SPAG16: variants seen among roughly 807,000 people sequenced by gnomAD.
SPAG16 encodes the protein sperm associated antigen 16.
A neutral mutation model predicts 80.4 loss-of-function variants in SPAG16; 86 were observed. The observed-to-expected ratio is 1.07, with a 90% CI of 0.90 to 1.28. The LOEUF (loss-of-function observed/expected upper bound fraction) is 1.28. Among genes scored for constraint, SPAG16 ranks in the 50% most tolerant of loss-of-function variants. The pLI, the probability that SPAG16 is intolerant of heterozygous loss-of-function variation, is 0.00. For missense variants in SPAG16, 870 were observed against 765.3 expected, an observed-to-expected ratio of 1.14 and a Z score of -1.61; for synonymous variants, 294 against 265.9, an observed-to-expected ratio of 1.11 and a Z score of -1.03.
At chr2:213,858,407 A>C (rs1241329758) in intron 10 of SPAG16, among the ~76,000 whole-genome samples, 3 of 152,224 alleles carry the variant, frequency 2.0e-5, no homozygotes, top group African/African-American at 7.2e-5. Flanking sequence ...CAGAAAGATT[A>C]TGACTGGATG....
chr2:214,037,605 C>A (rs961877002), intron 13 of SPAG16, among the ~76,000 whole-genome samples: 1 of 151,996 alleles, frequency 6.6e-6, no homozygotes, highest in Non-Finnish European at 1.5e-5. Context: ...TATATCAATT[C>A]TGATATATTA....
At chr2:213,347,285 T>C (rs548015269) in intron 6 of SPAG16, among the ~76,000 whole-genome samples, 4 of 152,302 alleles carry the variant, frequency 2.6e-5, no homozygotes, top group Non-Finnish European at 5.9e-5. Context: ...TTTTCTTCTT[T>C]ATTAGTCTTG....
chr2:213,791,177 T>C (rs982987689), intron 10 of SPAG16, among the ~76,000 whole-genome samples: 2 of 152,054 alleles, frequency 1.3e-5, no homozygotes, highest in Admixed American at 6.5e-5. Context: ...AAAACTAATA[T>C]AGAAATCCTT....
intron 13 of SPAG16, among the ~76,000 whole-genome samples, chr2:214,087,309 T>C (rs953302582): frequency 3.0e-4 from 46 of 152,266 alleles, no homozygotes; most frequent in African/African-American, 8.9e-4. Flanking sequence ...TAAGGTGTTA[T>C]TATGTAAAAA....
chr2:213,677,486 G>T (rs1363363738), intron 10 of SPAG16, among the ~76,000 whole-genome samples: 3 of 151,908 alleles, frequency 2.0e-5, no homozygotes, highest in African/African-American at 7.3e-5. Context: ...TGATAAAACA[G>T]ACTTTAAACC....
Position 214,221,134 on chromosome 2 carries a change from A to G in SPAG16, c.1720+71868A>G, listed in dbSNP as rs117057558. Among the ~76,000 whole-genome samples, 27 of 152,336 alleles carry G rather than the reference A, an allele frequency of 1.8e-4. No homozygotes were observed. In the East Asian group the frequency reaches 4.2e-3, roughly 24 times the overall value. ...AATATTTATCAGGTTCAGGTTCTTT[A>G]GAAGTTTAACTACAGTTTGATATGC... is the stretch of plus-strand genomic sequence containing the variant. On this transcript the variant is annotated intron_variant, in intron 15 of 15. Coordinates refer to ENST00000331683, the MANE Select transcript of SPAG16 (RefSeq NM_024532.5).
intron 13 of SPAG16, among the ~76,000 whole-genome samples, chr2:214,037,840 C>G (rs2048782249): frequency 6.8e-6 from 1 of 148,002 alleles, no homozygotes; most frequent in Admixed American, 6.7e-5. Flanking sequence ...ATTGCCTTTG[C>G]TCTGTTATTA....
intron 1 of SPAG16, among the ~76,000 whole-genome samples, chr2:213,294,993 C>G (rs2062439787): frequency 6.6e-6 from 1 of 152,108 alleles, no homozygotes; most frequent in African/African-American, 2.4e-5. Flanking sequence ...AGAACAGTTC[C>G]TGTCTCCTAT....
chr2:213,932,263 TGCAGTG>T (rs1430347987), intron 12 of SPAG16, among the ~76,000 whole-genome samples: 1 of 149,200 alleles, frequency 6.7e-6, no homozygotes, highest in Non-Finnish European at 1.5e-5. Context: ...CAGGCTAGAG[TGCAGTG>T]GCACAATCTC....
chr2:213,472,436 G>A (rs746815984), intron 9 of SPAG16, among the ~76,000 whole-genome samples: 1 of 152,200 alleles, frequency 6.6e-6, no homozygotes, highest in South Asian at 2.1e-4. Flanking sequence ...CCTTATGGGA[G>A]AGTTGAACAG....
intron 10 of SPAG16, among the ~76,000 whole-genome samples, chr2:213,802,184 G>T (rs1476467833): frequency 6.6e-6 from 1 of 152,194 alleles, no homozygotes; most frequent in Non-Finnish European, 1.5e-5. Flanking sequence ...ATGATAAGGG[G>T]AGGAATGTTT....
At chr2:213,482,360 A>G (rs1002106746) in intron 9 of SPAG16, among the ~76,000 whole-genome samples, 2 of 152,310 alleles carry the variant, frequency 1.3e-5, no homozygotes, top group Admixed American at 1.3e-4. Context: ...TGACATTTGT[A>G]AATAACTCTA....
intron 10 of SPAG16, among the ~76,000 whole-genome samples, chr2:213,592,233 A>T (rs2060718931): frequency 6.6e-6 from 1 of 152,220 alleles, no homozygotes; most frequent in Non-Finnish European, 1.5e-5. Context: ...ATAAAAATTT[A>T]AAAACAATCA....
At position 213,800,275 on chromosome 2, in the gene SPAG16, C is replaced by T. The variant is rs527823566; in HGVS notation, c.1071-62210C>T. Among the ~76,000 whole-genome samples the T allele has an allele frequency of 9.9e-5, 15 of 151,738 alleles. No individual in the cohort carries two copies. In the East Asian group the frequency reaches 2.3e-3, roughly 24 times the overall value. On this transcript the variant is annotated intron_variant, in intron 10 of 15. Coordinates refer to ENST00000331683, the MANE Select transcript of SPAG16 (RefSeq NM_024532.5). ...TCTGCCATATTTCTTGTGTACTTTC[C>T]TTCATCTTGTCTCCCTATATTTCCC...
At chr2:213,596,876 G>T (rs1398742158) in intron 10 of SPAG16, among the ~76,000 whole-genome samples, 1 of 151,386 alleles carries the variant, frequency 6.6e-6, no homozygotes, top group Non-Finnish European at 1.5e-5. Flanking sequence ...CCCCCTCCTA[G>T]TTTTTTTTTC....
chr2:214,319,200 C>CCACACACCACACACACA (rs1695913507), intron 15 of SPAG16, among the ~76,000 whole-genome samples: 1 of 142,242 alleles, frequency 7.0e-6, no homozygotes, highest in Non-Finnish European at 1.5e-5. Flanking sequence ...CACACACACA[C>CCACACACCACACACACA]CACACACACA....
At chr2:213,325,643 T>C (rs188756673) in intron 5 of SPAG16, among the ~76,000 whole-genome samples, 33,879 of 144,664 alleles carry the variant, frequency 0.23, 4,507 homozygotes, top group Non-Finnish European at 0.32. Flanking sequence ...TGTGTGTGTG[T>C]GCATATCTAT....
intron 10 of SPAG16, among the ~76,000 whole-genome samples, chr2:213,733,220 G>T (rs930572143): frequency 8.9e-4 from 133 of 149,408 alleles, no homozygotes; most frequent in South Asian, 4.0e-3. Context: ...TAATGGGGTT[G>T]TTTTTTTTTT....
At chr2:214,317,322 T>C (rs1021044480) in intron 15 of SPAG16, among the ~76,000 whole-genome samples, 2 of 152,192 alleles carry the variant, frequency 1.3e-5, no homozygotes, top group Non-Finnish European at 2.9e-5. Flanking sequence ...TCCAAGTCAT[T>C]AACATTAACA....
Sources: allele counts gnomAD v4.1 joint callset (sites outside exome capture counted in the v4.1 genomes callset), GRCh38; gene constraint gnomAD v4.1.1; transcripts MANE v1.5; gene names NCBI Gene and HGNC (gene_info 2026-07-23, HGNC 2026-07-21).